ZNF536: variants seen among roughly 807,000 people sequenced by gnomAD.
The protein encoded by ZNF536 is zinc finger protein 536.
ZNF536 carries 13 observed loss-of-function variants against 84.5 expected under a neutral mutation model. The ratio of observed to expected loss-of-function variants is 0.15; its 90% CI spans 0.10 to 0.24. ZNF536 has a LOEUF of 0.24. Among genes scored for constraint, ZNF536 ranks in the 10% least tolerant of loss-of-function variants. ZNF536 has a pLI of 1.00. For missense variants in ZNF536, 1,536 were observed against 1,747.5 expected, an observed-to-expected ratio of 0.88 and a Z score of 2.16; for synonymous variants, 811 against 742.5, an observed-to-expected ratio of 1.09 and a Z score of -1.50.
chr19:30,287,709 A>ATGG (rs2045695471), intron 2 of ZNF536, among the ~76,000 whole-genome samples: 23 of 19,270 alleles, frequency 1.2e-3, no homozygotes, highest in African/African-American at 3.8e-3. Flanking sequence ...TGGATGGATG[A>ATGG]GTGGATGGAT....
At chr19:30,515,413 A>T (rs2055595468) in intron 2 of ZNF536, among the ~76,000 whole-genome samples, 1 of 152,162 alleles carries the variant, frequency 6.6e-6, no homozygotes, top group African/African-American at 2.4e-5. Context: ...TTCAGATTTT[A>T]TTATTATTAT....
At chr19:30,320,452 T>C (rs1324372520) in intron 2 of ZNF536, among the ~76,000 whole-genome samples, 2 of 152,220 alleles carry the variant, frequency 1.3e-5, no homozygotes, top group Admixed American at 6.5e-5. Flanking sequence ...ACGCACTTTC[T>C]TTGAGCAAAT....
At chr19:30,664,204 T>TTCTCTCTCTCTC (rs71173915) in intron 1 of ZNF536, among the ~76,000 whole-genome samples, 59 of 90,718 alleles carry the variant, frequency 6.5e-4, no homozygotes, top group Non-Finnish European at 8.3e-4. Context: ...TTGCTGAGTT[T>TTCTCTCTCTCTC]TCTCTCTCTC....
intron 1 of ZNF536, among the ~76,000 whole-genome samples, chr19:30,567,807 C>CA (rs1198265597): frequency 6.6e-6 from 1 of 152,206 alleles, no homozygotes; most frequent in Non-Finnish European, 1.5e-5. Flanking sequence ...AGAGCCGCTT[C>CA]ACATGTGCCC....
At chr19:30,639,223 A>G (rs2049178286) in intron 1 of ZNF536, among the ~76,000 whole-genome samples, 1 of 152,256 alleles carries the variant, frequency 6.6e-6, no homozygotes, top group African/African-American at 2.4e-5. Flanking sequence ...TAGGAATGTA[A>G]TGTGAACCAC....
intron 3 of ZNF536, among the ~76,000 whole-genome samples, chr19:30,365,232 G>GCTCT (rs145597145): frequency 6.7e-6 from 1 of 150,328 alleles, no homozygotes; most frequent in Non-Finnish European, 1.5e-5. Flanking sequence ...ATAGGCATGT[G>GCTCT]CTCTCTCTCT....
chr19:30,484,572 T>C (rs535313628), intron 2 of ZNF536, among the ~76,000 whole-genome samples: 143 of 152,010 alleles, frequency 9.4e-4, no homozygotes, highest in Non-Finnish European at 1.7e-3. Flanking sequence ...TTTCGCCCCA[T>C]CCTTGTTCTT....
intron 1 of ZNF536, among the ~76,000 whole-genome samples, chr19:30,583,221 G>A (rs1427153807): frequency 6.6e-6 from 1 of 152,198 alleles, no homozygotes; most frequent in East Asian, 1.9e-4. Flanking sequence ...TCTCTGAGTG[G>A]TATTTCTAAG....
chr19:30,678,966 G>T (rs552806889), intron 1 of ZNF536, among the ~76,000 whole-genome samples: 42 of 152,186 alleles, frequency 2.8e-4, no homozygotes, highest in African/African-American at 1.0e-3. Flanking sequence ...AAATAAAAGA[G>T]TAGCACGTTG....
intron 1 of ZNF536, among the ~76,000 whole-genome samples, chr19:30,236,670 T>C (rs1194029040): frequency 1.3e-5 from 2 of 152,172 alleles, no homozygotes; most frequent in Non-Finnish European, 2.9e-5. Flanking sequence ...TTTTCCCCTT[T>C]AATAACTACT....
At position 30,444,788 on chromosome 19, in the gene ZNF536, C is replaced by T. The variant is rs2148198391; in HGVS notation, c.1226C>T (p.Pro409Leu). 6.2e-7 allele frequency: 1 copy of T among 1,613,952 alleles called. No individual in the cohort carries two copies. The highest frequency in any genetic ancestry group is 8.5e-7 in the Non-Finnish European group (1 of 1,180,042). The change falls in exon 2 of 5, where the codon CCC becomes CTC. Residue 409 changes from proline (P) to leucine (L), a missense_variant. Physicochemically the swap from Pro to Leu is moderately conservative, Grantham distance 98 (BLOSUM62 -3). Transcript: ENST00000355537. ...GTGAAGAACAAGTCCCCCAGCGACC[C>T]CGAGGTGCCTGTGCCCATGGGCGGC... The part of the protein sequence containing the change: ...LSVKNKSPSD[P>L]EVPVPMGGMS...
At chr19:30,364,052 G>A (rs1004832502) in intron 3 of ZNF536, among the ~76,000 whole-genome samples, 3 of 152,224 alleles carry the variant, frequency 2.0e-5, no homozygotes, top group African/African-American at 7.2e-5. Context: ...GGATACAGGT[G>A]TGAGATGTAT....
intron 1 of ZNF536, among the ~76,000 whole-genome samples, chr19:30,710,383 A>G (rs763089214): frequency 2.6e-5 from 4 of 152,106 alleles, no homozygotes; most frequent in Non-Finnish European, 4.4e-5. Flanking sequence ...CTCTAAAACA[A>G]ACAAACAAAA....
chr19:30,698,965 T>C (rs1302498444), intron 1 of ZNF536, among the ~76,000 whole-genome samples: 1 of 152,214 alleles, frequency 6.6e-6, no homozygotes, highest in Non-Finnish European at 1.5e-5. Flanking sequence ...GTATGATTTG[T>C]GGATATTTAT....
At chr19:30,669,113 T>C (rs1166071689) in intron 1 of ZNF536, among the ~76,000 whole-genome samples, 1 of 152,202 alleles carries the variant, frequency 6.6e-6, no homozygotes, top group Non-Finnish European at 1.5e-5. Context: ...GCTAGATCAT[T>C]CCTGGAGGGA....
At chr19:30,410,465 CTT>C (rs201561646) in intron 1 of ZNF536, among the ~76,000 whole-genome samples, 1 of 122,622 alleles carries the variant, frequency 8.2e-6, no homozygotes. Flanking sequence ...AAGTGAAGGT[CTT>C]TTTTTTTTTT....
At chr19:30,634,256 G>A (rs999227217) in intron 1 of ZNF536, among the ~76,000 whole-genome samples, 6 of 152,168 alleles carry the variant, frequency 3.9e-5, no homozygotes, top group African/African-American at 1.4e-4. Flanking sequence ...AAGTTTGACA[G>A]TAATTTAATT....
intron 1 of ZNF536, among the ~76,000 whole-genome samples, chr19:30,707,812 C>T (rs1483807654): frequency 1.3e-5 from 2 of 151,876 alleles, no homozygotes; most frequent in South Asian, 4.2e-4. Context: ...GAGTTTGAGA[C>T]CAGCCTGGCC....
intron 1 of ZNF536, among the ~76,000 whole-genome samples, chr19:30,653,557 T>C (rs2049789113): frequency 1.3e-5 from 2 of 152,206 alleles, no homozygotes. Flanking sequence ...GCTTTCAGGT[T>C]CTCTTGAAAA....
Sources: gnomAD v4.1 joint callset for allele counts (sites outside exome capture counted in the v4.1 genomes callset) on GRCh38, gnomAD v4.1.1 for gene constraint, MANE v1.5 for transcripts, NCBI Gene and HGNC (gene_info 2026-07-23, HGNC 2026-07-21) for gene names.